The following ATP11B variants were observed in gnomAD, a reference collection of about 807,000 sequenced individuals.
ATP11B encodes the protein phospholipid-transporting ATPase IF.
In ATP11B, 81 loss-of-function variants were observed where a neutral mutation model predicts 157.8. The ratio of observed to expected loss-of-function variants is 0.51; its 90% confidence interval spans 0.43 to 0.62. ATP11B has a LOEUF of 0.62. ATP11B is among the 20% of genes least tolerant of loss of function. ATP11B has a pLI of 0.00. For missense variants in ATP11B, 1,165 were observed against 1,402.2 expected (o/e 0.83, Z 2.70); for synonymous variants, 451 against 469.4 (o/e 0.96, Z 0.51).
At position 182,920,327 on chromosome 3, in the gene ATP11B, C is replaced by A. The variant is rs2108603064; in HGVS notation, c.*2223C>A. 1 of 152,288 alleles carries A rather than the reference C, an allele frequency of 6.6e-6. No homozygotes were observed. Among genetic ancestry groups the A allele is most frequent in the South Asian group, 2.1e-4 (1 of 4,824 alleles). 9.4% of individuals were successfully genotyped at this position (152,288 alleles called of 1,614,324 possible). On this transcript the variant is annotated 3_prime_UTR_variant, in exon 30 of 30. Transcript: ENST00000323116. ...CCTGAACTGTTACTCCAAATCCACT[C>A]CGTTTTTAAAGCAAAATTATCTTGT...
At chr3:182,908,909 C>T (rs1017898281) in intron 28 of ATP11B, among the ~76,000 whole-genome samples, 3 of 152,174 alleles carry the variant, frequency 2.0e-5, no homozygotes, top group African/African-American at 4.8e-5. Flanking sequence ...TTTAAGCCTT[C>T]TTTCCAAATA....
intron 1 of ATP11B, among the ~76,000 whole-genome samples, chr3:182,804,182 T>G (rs1716177621): frequency 6.6e-6 from 1 of 152,182 alleles, no homozygotes; most frequent in African/African-American, 2.4e-5. Context: ...TAGTTATGCC[T>G]ATAGTCATTG....
At chr3:182,848,643 TA>T in intron 10 of ATP11B, 86 bp downstream of exon 10, 1 of 533,668 alleles carries the variant, frequency 1.9e-6, no homozygotes, top group Non-Finnish European at 2.7e-6. Context: ...ATATATAATA[TA>T]TATTAAGTAA....
intron 9 of ATP11B, among the ~76,000 whole-genome samples, chr3:182,847,012 G>A (rs1719582895): frequency 6.6e-6 from 1 of 151,772 alleles, no homozygotes; most frequent in Non-Finnish European, 1.5e-5. Context: ...AAACCTTGAG[G>A]GCTTTTAGAT....
chr3:182,813,989 G>A (rs1716823613), intron 1 of ATP11B, among the ~76,000 whole-genome samples: 1 of 152,158 alleles, frequency 6.6e-6, no homozygotes, highest in Non-Finnish European at 1.5e-5. Context: ...GCCTCCCAAA[G>A]TGGTGGGATT....
intron 8 of ATP11B, among the ~76,000 whole-genome samples, chr3:182,842,729 A>G (rs1365548367): frequency 6.6e-6 from 1 of 152,194 alleles, no homozygotes; most frequent in African/African-American, 2.4e-5. Flanking sequence ...AAAAGACTGT[A>G]ACAAGGGCTA....
chr3:182,913,278 A>G (rs1401058677), intron 28 of ATP11B, among the ~76,000 whole-genome samples: 1 of 152,230 alleles, frequency 6.6e-6, no homozygotes, highest in Non-Finnish European at 1.5e-5. Flanking sequence ...AAAGATAAGT[A>G]TGGAGTGGAT....
At chr3:182,889,696 A>G in intron 25 of ATP11B, 148 bp downstream of exon 25, 1 of 708,800 alleles carries the variant, frequency 1.4e-6, no homozygotes, top group South Asian at 2.3e-5. Flanking sequence ...TGGTTAAATA[A>G]TAAAGTTTCA....
At chr3:182,884,583 T>C (rs924722679) in intron 21 of ATP11B, among the ~76,000 whole-genome samples, 170 bp from the exon 22 acceptor site, 2 of 152,174 alleles carry the variant, frequency 1.3e-5, no homozygotes, top group Non-Finnish European at 2.9e-5. Context: ...AGCCTTATAT[T>C]AATTACATAT....
intron 23 of ATP11B, among the ~76,000 whole-genome samples, chr3:182,886,601 T>G (rs969238411): frequency 6.6e-6 from 1 of 152,164 alleles, no homozygotes; most frequent in Non-Finnish European, 1.5e-5. Context: ...CTGATCTACT[T>G]TGTTTTAATT....
chr3:182,836,149 A>C lies in ATP11B; in HGVS notation c.423+7A>C, dbSNP rs199869235. 494 of 1,607,494 alleles carry C rather than the reference A, an allele frequency of 3.1e-4. No homozygotes were observed. The highest frequency in any genetic ancestry group is 3.2e-4 in the Admixed American group (19 of 59,572). On this transcript the variant is annotated splice_region_variant and intron_variant, in intron 5 of 29. Coordinates refer to ENST00000323116, the MANE Select transcript of ATP11B (RefSeq NM_014616.3). ...TAGATCAAAAAACATTCGGGTATGCATCTGGTAAATAATGGAAATCAACTT... is the reference window on the plus strand; with the variant it reads ...TAGATCAAAAAACATTCGGGTATGCCTCTGGTAAATAATGGAAATCAACTT...
intron 19 of ATP11B, among the ~76,000 whole-genome samples, chr3:182,876,005 GGGA>G (rs1284910752): frequency 6.6e-6 from 1 of 152,028 alleles, no homozygotes; most frequent in Non-Finnish European, 1.5e-5. Context: ...CCAACACCCT[GGGA>G]GGCTGAGGTG....
At chr3:182,845,369 C>T in intron 8 of ATP11B, 89 bp from the exon 9 acceptor site, 1 of 1,145,170 alleles carries the variant, frequency 8.7e-7, no homozygotes. Flanking sequence ...ATGGCTATAG[C>T]TTAAGTACCT....
intron 1 of ATP11B, among the ~76,000 whole-genome samples, chr3:182,810,050 A>G (rs1276339103): frequency 6.6e-6 from 1 of 152,208 alleles, no homozygotes; most frequent in Non-Finnish European, 1.5e-5. Context: ...CTGTTTTTTA[A>G]AAATACATTT....
chr3:182,834,852 A>G (rs1718423821), intron 4 of ATP11B, among the ~76,000 whole-genome samples: 3 of 152,176 alleles, frequency 2.0e-5, no homozygotes, highest in South Asian at 4.1e-4. Context: ...GACTCTCCCA[A>G]AACTTAACTA....
At chr3:182,880,069 T>C (rs1032337159) in intron 20 of ATP11B, among the ~76,000 whole-genome samples, 6 of 152,264 alleles carry the variant, frequency 3.9e-5, no homozygotes, top group South Asian at 4.1e-4. Flanking sequence ...AATAGAGCTT[T>C]AGTATAAAAA....
chr3:182,892,000 AG>A (rs1266499199), intron 25 of ATP11B, among the ~76,000 whole-genome samples: 1 of 152,194 alleles, frequency 6.6e-6, no homozygotes, highest in Non-Finnish European at 1.5e-5. Flanking sequence ...ACGTCTTAGC[AG>A]TGTTCATTGT....
intron 1 of ATP11B, among the ~76,000 whole-genome samples, chr3:182,819,079 C>T (rs935555611): frequency 2.2e-5 from 3 of 135,230 alleles, no homozygotes; most frequent in African/African-American, 2.8e-5. Flanking sequence ...TCTAATATTT[C>T]TTTTTTTTTT....
At chr3:182,845,093 C>G (rs142766487) in intron 8 of ATP11B, among the ~76,000 whole-genome samples, 3,219 of 151,496 alleles carry the variant, frequency 0.021, 44 homozygotes, top group Middle Eastern at 0.041. Flanking sequence ...CAACCTCCGC[C>G]TCCACGGTTC....
Sources: gnomAD v4.1 joint callset for allele counts (sites outside exome capture counted in the v4.1 genomes callset) on GRCh38, gnomAD v4.1.1 for gene constraint, MANE v1.5 for transcripts, NCBI Gene and HGNC (gene_info 2026-07-23, HGNC 2026-07-21) for gene names.